The following CD8A variants were observed in gnomAD, a reference collection of about 807,000 sequenced individuals.
The protein encoded by CD8A is T-cell surface glycoprotein CD8 alpha chain.
A neutral mutation model predicts 24.2 loss-of-function variants in CD8A; 25 were observed. The ratio of observed to expected loss-of-function variants is 1.03; its 90% CI spans 0.75 to 1.44. The LOEUF (loss-of-function observed/expected upper bound fraction) is 1.44, where lower values mean the gene tolerates loss of function less well. CD8A is among the 40% of genes most tolerant of loss of function. The pLI is 0.00. For missense variants in CD8A, 360 were observed against 319.7 expected, an observed-to-expected ratio of 1.13 and a Z score of -0.96; for synonymous variants, 165 against 149.9, an observed-to-expected ratio of 1.10 and a Z score of -0.74.
intron 3 of CD8A, among the ~76,000 whole-genome samples, chr2:86,799,504 C>G (rs1190541644): frequency 6.6e-6 from 1 of 152,158 alleles, no homozygotes; most frequent in Non-Finnish European, 1.5e-5. Flanking sequence ...CGCTTGTAAT[C>G]CCAGCACTTT....
chr2:86,796,312 T>C (rs746063566), intron 3 of CD8A, among the ~76,000 whole-genome samples: 26 of 152,314 alleles, frequency 1.7e-4, no homozygotes, highest in Non-Finnish European at 3.1e-4. Context: ...AAAGCATGGC[T>C]GAAAATTTTT....
upstream of CD8A, chr2:86,791,327 GA>G (rs1673300859): frequency 2.8e-6 from 1 of 361,902 alleles, no homozygotes; most frequent in Non-Finnish European, 5.4e-6. Context: ...AAAGGAAGAG[GA>G]ACTAGCGACC....
chr2:86,798,910 G>GTA (rs1673573018), intron 3 of CD8A, among the ~76,000 whole-genome samples: 1 of 152,090 alleles, frequency 6.6e-6, no homozygotes, highest in Non-Finnish European at 1.5e-5. Flanking sequence ...ATGTATATGT[G>GTA]TATATATATC....
At chr2:86,791,806 C>A (rs867381803), upstream of CD8A, 1 of 381,792 alleles carries the variant, frequency 2.6e-6, no homozygotes, top group Non-Finnish European at 5.2e-6. Context: ...TCAACCCCTG[C>A]GCTCTGTGCT....
At chr2:86,796,509 A>G (rs570774634) in intron 3 of CD8A, among the ~76,000 whole-genome samples, 1 of 152,284 alleles carries the variant, frequency 6.6e-6, no homozygotes, top group Admixed American at 6.5e-5. Context: ...TTGGGCAGAG[A>G]GGGTAAGAAG....
intron 2 of CD8A, 47 bp downstream of exon 2, chr2:86,790,281 G>T: frequency 1.4e-6 from 2 of 1,386,856 alleles, no homozygotes; most frequent in Non-Finnish European, 2.1e-6. Flanking sequence ...AGGTTGAGGT[G>T]AACCCCAAGC....
At chr2:86,805,429 C>T (rs1014951475) in intron 2 of CD8A, among the ~76,000 whole-genome samples, 1 of 152,286 alleles carries the variant, frequency 6.6e-6, no homozygotes, top group East Asian at 1.9e-4. Flanking sequence ...GTCATGGTTC[C>T]AGTCCACACT....
At chr2:86,789,249 G>T (rs556367060) in intron 4 of CD8A, 74 bp downstream of exon 4, 2 of 991,620 alleles carry the variant, frequency 2.0e-6, no homozygotes, top group East Asian at 2.4e-5. Context: ...CCCTCGCAAG[G>T]TCCGCCTGGA....
At chr2:86,787,370 T>C (rs1446396056) in intron 5 of CD8A, among the ~76,000 whole-genome samples, 1 of 151,858 alleles carries the variant, frequency 6.6e-6, no homozygotes, top group South Asian at 2.1e-4. Flanking sequence ...CTCAGAAAAA[T>C]GTAAAGGAGT....
In CD8A at chr2:86,789,427, G is replaced by C. The variant is rs1266314558; in HGVS notation, c.521C>G (p.Thr174Arg). Residue 174 changes from threonine (T) to arginine (R), a missense_variant, in exon 4 of 6, where the codon ACG becomes AGG. Coordinates refer to ENST00000283635, the MANE Select transcript of CD8A (RefSeq NM_001768.7). ...ATCACAGGCGAAGTCCAGCCCCCTCGTGTGCACTGACGACACCAAAGACGC... is the reference window on the plus strand; with the variant it reads ...ATCACAGGCGAAGTCCAGCCCCCTCCTGTGCACTGACGACACCAAAGACGC... ...CRPAAGGAVH[T>R]RGLDFACDIY... 6.2e-7 allele frequency: 1 copy of C among 1,612,518 alleles called. No homozygotes were observed.
chr2:86,784,882 A>G lies in CD8A; in HGVS notation c.*1038T>C, dbSNP rs1243178220. On this transcript the variant is annotated 3_prime_UTR_variant, in exon 6 of 6. Coordinates refer to ENST00000283635, the MANE Select transcript of CD8A (RefSeq NM_001768.7). ...AAGCAAGGAAGTGCATGTTTGGGAC[A>G]GCAGTTTGGGCTCTCAGCCTCCTTA... 2.2e-6 allele frequency: 1 copy of G among 454,140 alleles called. No homozygotes were observed. The highest frequency in any genetic ancestry group is 4.4e-6 in the Non-Finnish European group (1 of 226,792). 28.1% of individuals were successfully genotyped at this position (454,140 alleles called of 1,614,324 possible). A position where few individuals can be genotyped will look rare whatever the true frequency, so the allele number is the denominator to read the frequency against.
At chr2:86,789,797 A>T in intron 2 of CD8A, 47 bp from the exon 3 acceptor site, 2 of 993,630 alleles carry the variant, frequency 2.0e-6, no homozygotes, top group African/African-American at 2.0e-5. Flanking sequence ...GGGGTTATGG[A>T]GGCGCCCCAG....
chr2:86,788,703 A>T, intron 4 of CD8A, 143 bp from the exon 5 acceptor site: 1 of 751,880 alleles, frequency 1.3e-6, no homozygotes, highest in Non-Finnish European at 2.4e-6. Flanking sequence ...TCATGGGCTG[A>T]AATTGGATGA....
chr2:86,806,251 C>T (rs377652870), intron 2 of CD8A, among the ~76,000 whole-genome samples: 4 of 152,214 alleles, frequency 2.6e-5, no homozygotes, highest in African/African-American at 7.2e-5. Context: ...GGAAACATTG[C>T]GAGAGGGAAG....
chr2:86,786,043 G>A, intron 5 of CD8A, 72 bp from the exon 6 acceptor site: 1 of 1,195,728 alleles, frequency 8.4e-7, no homozygotes, highest in East Asian at 2.3e-5. Context: ...GCCACGTCCA[G>A]CCTCCCAATC....
intron 3 of CD8A, among the ~76,000 whole-genome samples, chr2:86,796,463 G>C (rs1321064715): frequency 1.3e-5 from 2 of 152,308 alleles, no homozygotes; most frequent in Non-Finnish European, 1.5e-5. Context: ...TAGGATGTTT[G>C]AAATATAATT....
At chr2:86,798,997 T>C (rs1386255028) in intron 3 of CD8A, among the ~76,000 whole-genome samples, 1 of 152,236 alleles carries the variant, frequency 6.6e-6, no homozygotes, top group Non-Finnish European at 1.5e-5. Flanking sequence ...CTTTGAGCTA[T>C]GTTGATACAT....
At chr2:86,791,067 C>T, upstream of CD8A, 2 of 699,782 alleles carry the variant, frequency 2.9e-6, no homozygotes. Context: ...TCGAGGCAGC[C>T]TGGCCAGGCA....
intron 5 of CD8A, 85 bp from the exon 6 acceptor site, chr2:86,786,056 C>T (rs1315765648): frequency 1.3e-5 from 14 of 1,104,760 alleles, no homozygotes; most frequent in Middle Eastern, 2.1e-4. Flanking sequence ...TCCCAATCCC[C>T]CAGCCTTTGA....
Sources: allele counts gnomAD v4.1 joint callset (sites outside exome capture counted in the v4.1 genomes callset), GRCh38; gene constraint gnomAD v4.1.1; transcripts MANE v1.5; gene names NCBI Gene and HGNC (gene_info 2026-07-23, HGNC 2026-07-21).